The following INKA2 variants were observed in gnomAD, a reference collection of about 807,000 sequenced individuals.
INKA2 encodes the protein inka box actin regulator 2.
Under a neutral mutation model 9.8 loss-of-function variants are expected in INKA2, and 3 were observed. The ratio of observed to expected loss-of-function variants is 0.31; its 90% CI spans 0.14 to 0.79. INKA2 has a LOEUF of 0.79. Among genes scored for constraint, INKA2 ranks in the 30% least tolerant of loss-of-function variants. INKA2 has a pLI of 0.62. For synonymous variants in INKA2, 147 were observed against 143.3 expected (o/e 1.03, Z -0.18); for missense variants, 392 against 384.4 (o/e 1.02, Z -0.17).
At chr1:111,752,663 A>G (rs1354689353) in intron 1 of INKA2, among the ~76,000 whole-genome samples, 1 of 151,586 alleles carries the variant, frequency 6.6e-6, no homozygotes, top group Non-Finnish European at 1.5e-5. Context: ...GCCACCTTAC[A>G]GTATGCCTTC....
At chr1:111,748,452 T>C (rs1663321526) in intron 1 of INKA2, among the ~76,000 whole-genome samples, 2 of 152,252 alleles carry the variant, frequency 1.3e-5, no homozygotes, top group Admixed American at 6.5e-5. Context: ...AGCACGGTTC[T>C]AAATGTGGCT....
chr1:111,755,599 G>A (rs955278788), intron 1 of INKA2: 1 of 1,395,406 alleles, frequency 7.2e-7, no homozygotes, highest in African/African-American at 1.5e-5. Context: ...GTGGCGCCGG[G>A]GGCACGGCTG....
In INKA2 at chr1:111,739,326, C is replaced by T. The variant is rs1313365066; in HGVS notation, c.-84G>A. 1.9e-6 allele frequency: 3 copies of T among 1,584,624 alleles called. No individual in the cohort carries two copies. The highest frequency in any genetic ancestry group is 2.6e-6 in the Non-Finnish European group (3 of 1,165,626). On this transcript the variant is annotated 5_prime_UTR_variant, in exon 1 of 2. Transcript: ENST00000357260. ...CTGGAAACTGCGCTCCGGGCCGGCTCCCCGCCCCTGCGCCCGTAGCGCTCG... is the reference window on the plus strand; with the variant it reads ...CTGGAAACTGCGCTCCGGGCCGGCTTCCCGCCCCTGCGCCCGTAGCGCTCG...
rs1184555425 is a variant in INKA2 at position 111,728,070 on chromosome 1, C to CACACACACAT, written c.58-267_58-266insATGTGTGTGT. On this transcript the variant is annotated intron_variant, in intron 1 of 1. Coordinates refer to ENST00000357260, the MANE Select transcript of INKA2 (RefSeq NM_019099.5). ...ACACACACACACACACACACACACA[C>CACACACACAT]ACAGACATTTCATCTCCCCAACTAC... 3.8e-4 allele frequency among the ~76,000 whole-genome samples: 56 copies of CACACACACAT among 148,264 alleles called. 1 individual carries two copies. Among genetic ancestry groups the CACACACACAT allele is most frequent in the African/African-American group, 4.7e-4 (19 of 40,074 alleles).
chr1:111,747,729 G>C (rs1278976625), intron 1 of INKA2: 1 of 152,218 alleles, frequency 6.6e-6, no homozygotes, highest in East Asian at 1.9e-4. Context: ...ATGGGAAAGG[G>C]GTGGATGTGT....
In INKA2 at chr1:111,722,329, A is replaced by C. The variant is rs1259686462; in HGVS notation, c.*4639T>G. 6.6e-6 allele frequency: 1 copy of C among 152,600 alleles called. No homozygotes were observed. Among genetic ancestry groups the C allele is most frequent in the Admixed American group, 6.5e-5 (1 of 15,272 alleles). The allele number at this position is 152,600 out of a possible 1,614,324, so 9.5% of individuals were successfully genotyped here. A position where few individuals can be genotyped will look rare whatever the true frequency, so the allele number is the denominator to read the frequency against. On this transcript the variant is annotated 3_prime_UTR_variant, in exon 2 of 2. Coordinates refer to ENST00000357260, the MANE Select transcript of INKA2 (RefSeq NM_019099.5). ...CAGCACCTTTAGGCCATTAGTTTCC[A>C]GGGTGGCCGGAGGGCAGGAGGAAGG...
rs919349538 is a variant in INKA2, at chr1:111,723,548, G to A, written c.*3420C>T. 5.4e-6 allele frequency: 1 copy of A among 186,884 alleles called. No homozygotes were observed. Among genetic ancestry groups the A allele is most frequent in the African/African-American group, 2.3e-5 (1 of 42,778 alleles). 11.6% of individuals were successfully genotyped at this position (186,884 alleles called of 1,614,324 possible). ...TGTACCTGCCAGGGAAGTGGGGCAG[G>A]GTGGGGTGGGGCTACATGTCAGGGA... On this transcript the variant is annotated 3_prime_UTR_variant, in exon 2 of 2. Coordinates refer to ENST00000357260, the MANE Select transcript of INKA2 (RefSeq NM_019099.5).
At chr1:111,751,325 A>T (rs1428023959) in intron 1 of INKA2, among the ~76,000 whole-genome samples, 1 of 152,044 alleles carries the variant, frequency 6.6e-6, no homozygotes, top group Non-Finnish European at 1.5e-5. Context: ...AGAAGTTCTC[A>T]CTCTCTCCCA....
intron 1 of INKA2, chr1:111,746,318 C>T (rs1663272692): frequency 6.6e-6 from 1 of 152,228 alleles, no homozygotes; most frequent in Non-Finnish European, 1.5e-5. Flanking sequence ...CCAAGAAATG[C>T]TGCCGCCGCT....
chr1:111,739,206 G>A lies in INKA2; in HGVS notation c.37C>T (p.Arg13Cys). The stretch of plus-strand genomic sequence containing the variant: ...CTTACCAGCTCCTGTTTGAGGCGAC[G>A]GAGATAGCAGTCCATTTCCCTGCTC... ...MESREMDCYL[R>C]RLKQELMSMK... The change falls in exon 1 of 2, where the codon CGT becomes TGT. Residue 13 changes from arginine to cysteine, a missense_variant. By Grantham distance (180) the Arg-to-Cys change is radical. Transcript: ENST00000357260. 6.2e-7 allele frequency: 1 copy of A among 1,613,706 alleles called. No homozygotes were observed. The highest frequency in any genetic ancestry group is 8.5e-7 in the Non-Finnish European group (1 of 1,179,750).
chr1:111,739,437 G>A, upstream of INKA2: 3 of 1,439,740 alleles, frequency 2.1e-6, no homozygotes, highest in Non-Finnish European at 2.7e-6. Flanking sequence ...TGCTGGGGGT[G>A]GAGGGAAAAG....
At chr1:111,737,093 T>C (rs1401379889) in intron 1 of INKA2, among the ~76,000 whole-genome samples, 1 of 152,126 alleles carries the variant, frequency 6.6e-6, no homozygotes, top group Non-Finnish European at 1.5e-5. Context: ...CATCTGAGTG[T>C]CATTCTGGGA....
At chr1:111,741,451 G>C (rs1192203667), upstream of INKA2, among the ~76,000 whole-genome samples, 1 of 152,212 alleles carries the variant, frequency 6.6e-6, no homozygotes, top group African/African-American at 2.4e-5. Flanking sequence ...GGACCCACCA[G>C]ATGTTCAGAG....
chr1:111,735,670 C>T (rs1029493937), intron 1 of INKA2, among the ~76,000 whole-genome samples: 3 of 152,200 alleles, frequency 2.0e-5, no homozygotes, highest in African/African-American at 7.2e-5. Context: ...AAGCTTTTTT[C>T]TGCCTCAGGA....
intron 1 of INKA2, among the ~76,000 whole-genome samples, chr1:111,734,437 G>T (rs183128191): frequency 6.6e-6 from 1 of 151,612 alleles, no homozygotes; most frequent in East Asian, 2.0e-4. Flanking sequence ...AGTGTCTCTT[G>T]CCTGACTCTT....
Position 111,752,794 on chromosome 1 carries a change from C to T in INKA2, n.124+2907G>A, listed in dbSNP as rs538423713. 9.9e-5 allele frequency among the ~76,000 whole-genome samples: 15 copies of T among 151,892 alleles called. 1 individual carries two copies. Among genetic ancestry groups the T allele is most frequent in the East Asian group, 3.9e-4 (2 of 5,156 alleles). ...CTGCAAGCTCTGCTTCCCGGGTTCA[C>T]GCCATTCTCCTACCTCAGCCTACCG... On this transcript the variant is annotated intron_variant and non_coding_transcript_variant, in intron 1 of 1. Transcript: ENST00000444059.
chr1:111,729,909 G>A (rs1435946222), intron 1 of INKA2, among the ~76,000 whole-genome samples: 2 of 152,264 alleles, frequency 1.3e-5, no homozygotes, highest in Non-Finnish European at 2.9e-5. Context: ...AGGACTGACT[G>A]CCCTTGAGGG....
intron 1 of INKA2, among the ~76,000 whole-genome samples, chr1:111,749,276 C>T (rs116620730): frequency 0.028 from 4,325 of 152,206 alleles, 193 homozygotes; most frequent in African/African-American, 0.099. Context: ...ACAACCACAA[C>T]AACAGGAAGG....
chr1:111,728,863 C>T (rs1290031061), intron 1 of INKA2, among the ~76,000 whole-genome samples: 5 of 147,040 alleles, frequency 3.4e-5, no homozygotes, highest in South Asian at 2.1e-4. Context: ...TGTACTACCT[C>T]GAGACTCGAG....
Sources: gnomAD v4.1 joint callset for allele counts (sites outside exome capture counted in the v4.1 genomes callset) on GRCh38, gnomAD v4.1.1 for gene constraint, MANE v1.5 for transcripts, NCBI Gene and HGNC (gene_info 2026-07-23, HGNC 2026-07-21) for gene names.